ZNF676: variants seen among roughly 807,000 people sequenced by gnomAD.
ZNF676 encodes zinc finger protein 676.
Under a neutral mutation model 6.0 loss-of-function variants are expected in ZNF676, and 4 were observed. That is an observed-to-expected ratio of 0.67 (90% confidence interval 0.33 to 1.53). The LOEUF (loss-of-function observed/expected upper bound fraction) is 1.53, where lower values mean the gene tolerates loss of function less well. ZNF676 is among the 40% of genes most tolerant of loss of function. The pLI is 0.06. For missense variants in ZNF676, 644 were observed against 679.7 expected (o/e 0.95, Z 0.58); for synonymous variants, 198 against 223.1 (o/e 0.89, Z 1.00).
At chr19:22,215,734 A>G (rs1267273197) in exon 1 of ZNF676, 4 of 1,477,096 alleles carry the variant, frequency 2.7e-6, no homozygotes, top group South Asian at 2.4e-5. Context: ...CAGTAAGGAC[A>G]AGGCCTTTAC....
At chr19:22,219,947 G>A (rs530587601), upstream of ZNF676, among the ~76,000 whole-genome samples, 6 of 151,962 alleles carry the variant, frequency 3.9e-5, no homozygotes, top group African/African-American at 9.7e-5. Flanking sequence ...GAGCCACCAC[G>A]CCCAGCCTGT....
chr19:22,206,090 C>T (rs1043492885), intron 1 of ZNF676, among the ~76,000 whole-genome samples: 2 of 132,250 alleles, frequency 1.5e-5, no homozygotes, highest in South Asian at 2.3e-4. Context: ...CACACACACA[C>T]AAAATCAAAG....
At chr19:22,236,893 T>C in the ZNF676 span, among the ~76,000 whole-genome samples, 1 of 152,222 alleles carries the variant, frequency 6.6e-6, no homozygotes, top group African/African-American at 2.4e-5. Context: ...ATGCCCACCT[T>C]GCCTTTGATG....
upstream of ZNF676, among the ~76,000 whole-genome samples, chr19:22,201,116 T>C (rs2144788711): frequency 6.6e-6 from 1 of 152,270 alleles, no homozygotes. Flanking sequence ...GGGTTGCCTG[T>C]CCTGATTTGC....
At chr19:22,190,056 A>G (rs1273506957) in intron 2 of ZNF676, among the ~76,000 whole-genome samples, 1 of 152,182 alleles carries the variant, frequency 6.6e-6, no homozygotes, top group Non-Finnish European at 1.5e-5. Flanking sequence ...ATTCTACTAT[A>G]AAGACACATG....
chr19:22,196,015 T>C (rs184777275), intron 1 of ZNF676, among the ~76,000 whole-genome samples: 4 of 152,282 alleles, frequency 2.6e-5, no homozygotes, highest in Admixed American at 2.6e-4. Context: ...TCTGTCTCTG[T>C]TTTCTGTTCA....
chr19:22,234,674 C>A, the ZNF676 span, among the ~76,000 whole-genome samples: 4 of 152,138 alleles, frequency 2.6e-5, no homozygotes, highest in African/African-American at 9.7e-5. Flanking sequence ...TGGCTCATGC[C>A]TGTAATCCCA....
the ZNF676 span, among the ~76,000 whole-genome samples, chr19:22,247,244 T>C: frequency 2.0e-5 from 3 of 152,056 alleles, no homozygotes; most frequent in African/African-American, 7.2e-5. Context: ...GAGGACCCAG[T>C]TATGAAGGTT....
chr19:22,252,597 G>A, the ZNF676 span, among the ~76,000 whole-genome samples: 1 of 152,198 alleles, frequency 6.6e-6, no homozygotes, highest in Non-Finnish European at 1.5e-5. Context: ...GAGCCAGAGA[G>A]TAATATCACC....
the ZNF676 span, among the ~76,000 whole-genome samples, chr19:22,246,806 T>A: frequency 6.6e-6 from 1 of 152,254 alleles, no homozygotes; most frequent in East Asian, 1.9e-4. Flanking sequence ...AAACAAAAGA[T>A]GAAAGTCACA....
the ZNF676 span, among the ~76,000 whole-genome samples, chr19:22,242,988 C>T: frequency 4.6e-5 from 7 of 151,776 alleles, no homozygotes; most frequent in Non-Finnish European, 7.4e-5. Context: ...ATGCATCCTG[C>T]GGGCAAGTAA....
In ZNF676 at chr19:22,190,641, A is replaced by ATGTTGCATTCTATTTTAT. The variant is rs1262319508; in HGVS notation, c.130+2374_130+2375insATAAAATAGAATGCAACA. Among the ~76,000 whole-genome samples the ATGTTGCATTCTATTTTAT allele has an allele frequency of 2.5e-4, 18 of 70,638 alleles. 1 individual carries two copies. Among genetic ancestry groups the ATGTTGCATTCTATTTTAT allele is most frequent in the East Asian group, 5.0e-4 (1 of 1,996 alleles). 46.3% of individuals were successfully genotyped at this position (70,638 alleles called of 152,430 possible). A position where few individuals can be genotyped will look rare whatever the true frequency, so the allele number is the denominator to read the frequency against. The stretch of plus-strand genomic sequence containing the variant: ...AAAATAGAATGCAACATATATATAT[A>ATGTTGCATTCTATTTTAT]TATATATATATATATATATATATAC... On this transcript the variant is annotated intron_variant, in intron 2 of 2. Coordinates refer to ENST00000397121, the MANE Select transcript of ZNF676 (RefSeq NM_001001411.3).
chr19:22,235,033 A>AAAG, the ZNF676 span, among the ~76,000 whole-genome samples: 102 of 143,130 alleles, frequency 7.1e-4, 2 homozygotes, highest in African/African-American at 2.1e-3. Context: ...AGAAAGAAAG[A>AAAG]AAAGAAAAGA....
chr19:22,194,762 TCAAA>T (rs1272251020), intron 1 of ZNF676, among the ~76,000 whole-genome samples: 1 of 152,014 alleles, frequency 6.6e-6, no homozygotes, highest in African/African-American at 2.4e-5. Context: ...CCCAGTCCCC[TCAAA>T]CAATGACGGC....
chr19:22,218,760 A>T (rs566199924), upstream of ZNF676, among the ~76,000 whole-genome samples: 37 of 152,142 alleles, frequency 2.4e-4, no homozygotes, highest in Non-Finnish European at 4.9e-4. Flanking sequence ...GTCAAAGATC[A>T]GTTGACTGTA....
rs1229470390 is a variant in ZNF676 at position 22,179,440 on chromosome 19, A to G, written c.*510T>C. On this transcript the variant is annotated 3_prime_UTR_variant, in exon 3 of 3. Transcript: ENST00000397121. ...GGTTAAAGGCTTTGCCACATTCCAC[A>G]CAATTATAGGAATTCCCTCCAGTAT... 5.4e-5 allele frequency: 19 copies of G among 354,464 alleles called. No homozygotes were observed. The East Asian group carries it at 1.3e-3, about 23-fold the overall frequency. The allele number at this position is 354,464 out of a possible 1,614,324, so 22.0% of individuals were successfully genotyped here.
At chr19:22,227,803 A>G in the ZNF676 span, among the ~76,000 whole-genome samples, 4 of 152,214 alleles carry the variant, frequency 2.6e-5, no homozygotes, top group African/African-American at 4.8e-5. Context: ...TGAAGACTAA[A>G]CCAGGAAGAA....
Position 22,196,867 on chromosome 19 carries a change from T to C in ZNF676, c.-234A>G. ...CTGAAATTATTCAATAAAATAGTTT[T>C]CAACACAGAAATGTTCACTAATGTA... On this transcript the variant is annotated 5_prime_UTR_variant, in exon 1 of 3. Coordinates refer to ENST00000397121, the MANE Select transcript of ZNF676 (RefSeq NM_001001411.3). The C allele has an allele frequency of 1.2e-6, 1 of 822,364 alleles. No individual in the cohort carries two copies. The highest frequency in any genetic ancestry group is 1.9e-6 in the Non-Finnish European group (1 of 521,592). 50.9% of individuals were successfully genotyped at this position (822,364 alleles called of 1,614,324 possible).
the ZNF676 span, among the ~76,000 whole-genome samples, chr19:22,241,702 T>G: frequency 6.6e-6 from 1 of 151,964 alleles, no homozygotes; most frequent in South Asian, 2.1e-4. Flanking sequence ...GAACCCATGA[T>G]TGTACTCATG....
Sources: gnomAD v4.1 joint callset for allele counts (sites outside exome capture counted in the v4.1 genomes callset) on GRCh38, gnomAD v4.1.1 for gene constraint, MANE v1.5 for transcripts, NCBI Gene and HGNC (gene_info 2026-07-23, HGNC 2026-07-21) for gene names.